Variants in ZNF804A observed in about 807,000 individuals in gnomAD.
ZNF804A encodes zinc finger protein 804A.
ZNF804A carries 2 observed loss-of-function variants against 16.5 expected under a neutral mutation model. That is an observed-to-expected ratio of 0.12 (90% CI 0.05 to 0.38). The LOEUF (loss-of-function observed/expected upper bound fraction) is 0.38, where lower values mean the gene tolerates loss of function less well. Among genes scored for constraint, ZNF804A ranks in the 10% least tolerant of loss-of-function variants. The pLI is 0.99. For synonymous variants in ZNF804A, 534 were observed against 489.6 expected (o/e 1.09, Z -1.20); for missense variants, 1,473 against 1,390.7 (o/e 1.06, Z -0.94).
intron 1 of ZNF804A, among the ~76,000 whole-genome samples, chr2:184,635,237 A>G (rs1381398907): frequency 1.3e-5 from 2 of 152,156 alleles, no homozygotes; most frequent in Non-Finnish European, 1.5e-5. Context: ...ATTTTTCCGT[A>G]TGAAACAACT....
intron 1 of ZNF804A, among the ~76,000 whole-genome samples, chr2:184,625,033 T>C (rs1235830420): frequency 6.6e-6 from 1 of 152,204 alleles, no homozygotes; most frequent in Non-Finnish European, 1.5e-5. Context: ...ACTTTGATTA[T>C]ACCTACAAGG....
chr2:184,609,343 T>C (rs964546383), intron 1 of ZNF804A, among the ~76,000 whole-genome samples: 19 of 152,324 alleles, frequency 1.2e-4, no homozygotes, highest in African/African-American at 3.8e-4. Context: ...TGACCCTTTC[T>C]CTGAGCTTCA....
intron 2 of ZNF804A, among the ~76,000 whole-genome samples, chr2:184,897,414 T>TCCCCCCCC (rs1685086719): frequency 6.6e-6 from 1 of 151,046 alleles, no homozygotes; most frequent in African/African-American, 2.4e-5. Flanking sequence ...TTTTGGATTT[T>TCCCCCCCC]TCCCCCCCTT....
rs578153127 is a variant in ZNF804A, at chr2:184,761,276, T to G, written c.112-105093T>G. On this transcript the variant is annotated intron_variant, in intron 1 of 3. Coordinates refer to ENST00000302277, the MANE Select transcript of ZNF804A (RefSeq NM_194250.2). ...TGGGATATTTTCAGTCTGTCAAGTT[T>G]GCATTTTTAAAAATGTAGTAAGGTT... Among the ~76,000 whole-genome samples the G allele has an allele frequency of 8.8e-4, 134 of 152,310 alleles. 4 individuals are homozygous for G. Among genetic ancestry groups the G allele is most frequent in the Admixed American group, 8.7e-3 (133 of 15,288 alleles).
At chr2:184,736,276 C>G (rs1010539723) in intron 1 of ZNF804A, among the ~76,000 whole-genome samples, 2 of 152,062 alleles carry the variant, frequency 1.3e-5, no homozygotes, top group Non-Finnish European at 2.9e-5. Flanking sequence ...GTCTACTGCC[C>G]TTTCTTGAAA....
At position 184,937,228 on chromosome 2, in the gene ZNF804A, C is replaced by G; in HGVS notation, c.1832C>G (p.Thr611Ser). 3 of 1,608,950 alleles carry G rather than the reference C, an allele frequency of 1.9e-6. No homozygotes were observed. The highest frequency in any genetic ancestry group is 2.5e-6 in the Non-Finnish European group (3 of 1,178,650). ...TGTCAGCATCATCATATGGAGAAAA[C>G]CAAAGAATCAGAAACTCGCTGCAAA... ...KLCQHHHMEK[T>S]KESETRCKME... Residue 611 changes from threonine (T) to serine (S), a missense_variant, in exon 4 of 4, where the codon ACC becomes AGC. Thr to Ser is a moderately conservative substitution (Grantham distance 58). Coordinates refer to ENST00000302277, the MANE Select transcript of ZNF804A (RefSeq NM_194250.2).
Position 184,726,854 on chromosome 2 carries a change from C to A in ZNF804A, c.111+127784C>A, listed in dbSNP as rs978569632. 1.1e-4 allele frequency among the ~76,000 whole-genome samples: 16 copies of A among 151,422 alleles called. No homozygotes were observed. The East Asian group carries it at 3.1e-3, about 29-fold the overall frequency. On this transcript the variant is annotated intron_variant, in intron 1 of 3. Coordinates refer to ENST00000302277, the MANE Select transcript of ZNF804A (RefSeq NM_194250.2). ...GATCTAAAGATGCTAGCTCCATAGT[C>A]CCTAAATTTAAAAAAGAAAGGCCTA...
intron 2 of ZNF804A, among the ~76,000 whole-genome samples, chr2:184,871,558 G>T (rs1004840976): frequency 6.6e-6 from 1 of 151,538 alleles, no homozygotes; most frequent in African/African-American, 2.4e-5. Context: ...GAATTAACAG[G>T]AAAAAATTAC....
chr2:184,641,048 G>T (rs1309193212), intron 1 of ZNF804A, among the ~76,000 whole-genome samples: 1 of 152,104 alleles, frequency 6.6e-6, no homozygotes, highest in East Asian at 1.9e-4. Flanking sequence ...TCCGCTTCCT[G>T]GGTTCAAGCA....
chr2:184,711,927 T>C (rs183287271), intron 1 of ZNF804A, among the ~76,000 whole-genome samples: 1 of 151,904 alleles, frequency 6.6e-6, no homozygotes. Flanking sequence ...CGTCCAGTTT[T>C]GTTGTTCTTA....
intron 1 of ZNF804A, among the ~76,000 whole-genome samples, chr2:184,848,620 G>T (rs1051429222): frequency 1.3e-5 from 2 of 151,990 alleles, no homozygotes; most frequent in East Asian, 3.9e-4. Flanking sequence ...TAAATAACAA[G>T]TCCAAGTGTC....
chr2:184,927,931 C>G (rs1453488351), intron 2 of ZNF804A, among the ~76,000 whole-genome samples: 1 of 152,048 alleles, frequency 6.6e-6, no homozygotes, highest in Non-Finnish European at 1.5e-5. Flanking sequence ...AAGCCAAATC[C>G]TGGATTCAGG....
chr2:184,801,546 C>T (rs193001587), intron 1 of ZNF804A, among the ~76,000 whole-genome samples: 13 of 152,288 alleles, frequency 8.5e-5, no homozygotes, highest in Admixed American at 4.6e-4. Flanking sequence ...TTCAAGCACA[C>T]TGATTCTTTC....
chr2:184,910,839 T>G (rs1685344459), intron 2 of ZNF804A, among the ~76,000 whole-genome samples: 1 of 151,870 alleles, frequency 6.6e-6, no homozygotes, highest in Non-Finnish European at 1.5e-5. Context: ...TTTTGCTTGT[T>G]CAGGTGTTCA....
chr2:184,918,468 A>T (rs2105835499), intron 2 of ZNF804A, among the ~76,000 whole-genome samples: 1 of 152,200 alleles, frequency 6.6e-6, no homozygotes, highest in East Asian at 1.9e-4. Context: ...TCCTGGGCTG[A>T]TGAATCCTGG....
chr2:184,815,799 T>C (rs1290504558), intron 1 of ZNF804A, among the ~76,000 whole-genome samples: 4 of 152,002 alleles, frequency 2.6e-5, no homozygotes, highest in Non-Finnish European at 2.9e-5. Flanking sequence ...TTACAATGAA[T>C]GAAATGCTAT....
chr2:184,771,487 C>T (rs867674892), intron 1 of ZNF804A, among the ~76,000 whole-genome samples: 17 of 151,862 alleles, frequency 1.1e-4, no homozygotes, highest in Non-Finnish European at 1.5e-4. Flanking sequence ...TGGCTCATGC[C>T]TGTAATCCCA....
At chr2:184,655,198 G>A (rs902581950) in intron 1 of ZNF804A, among the ~76,000 whole-genome samples, 3 of 152,172 alleles carry the variant, frequency 2.0e-5, no homozygotes, top group African/African-American at 7.2e-5. Context: ...GCATAAACAA[G>A]TGTGGCCACG....
At chr2:184,603,903 A>T (rs1691089600) in intron 1 of ZNF804A, among the ~76,000 whole-genome samples, 1 of 152,222 alleles carries the variant, frequency 6.6e-6, no homozygotes, top group African/African-American at 2.4e-5. Flanking sequence ...ACTTTACTAC[A>T]TGTCCTTTTT....
Sources: gnomAD v4.1 joint callset for allele counts (sites outside exome capture counted in the v4.1 genomes callset) on GRCh38, gnomAD v4.1.1 for gene constraint, MANE v1.5 for transcripts, NCBI Gene and HGNC (gene_info 2026-07-23, HGNC 2026-07-21) for gene names.